The following TMED3 variants were observed in gnomAD, a reference collection of about 807,000 sequenced individuals.
TMED3 encodes transmembrane emp24 domain-containing protein 3.
TMED3 carries 9 observed loss-of-function variants against 15.0 expected under a neutral mutation model. The observed-to-expected ratio is 0.60, with a 90% CI of 0.36 to 1.04. The LOEUF is 1.04. TMED3 is among the 50% of genes least tolerant of loss of function. The pLI is 0.01. For missense variants in TMED3, 267 were observed against 278.9 expected, an observed-to-expected ratio of 0.96 and a Z score of 0.30; for synonymous variants, 117 against 121.4, an observed-to-expected ratio of 0.96 and a Z score of 0.24.
chr15:79,397,263 C>G (rs899878328), intron 2 of TMED3, among the ~76,000 whole-genome samples: 12 of 152,228 alleles, frequency 7.9e-5, no homozygotes, highest in African/African-American at 2.9e-4. Context: ...GCTATCTCTT[C>G]AGTAATTTTT....
chr15:79,363,640 C>T (rs1713111353), intron 2 of TMED3, among the ~76,000 whole-genome samples: 1 of 151,938 alleles, frequency 6.6e-6, no homozygotes, highest in African/African-American at 2.4e-5. Context: ...AATATTTTTA[C>T]TAAAACAATT....
At chr15:79,379,825 A>G (rs1893490257) in intron 2 of TMED3, among the ~76,000 whole-genome samples, 1 of 152,120 alleles carries the variant, frequency 6.6e-6, no homozygotes, top group Non-Finnish European at 1.5e-5. Flanking sequence ...TTTTCTTAAA[A>G]AGAGAGAAAA....
intron 2 of TMED3, among the ~76,000 whole-genome samples, chr15:79,319,316 G>T (rs1333294097): frequency 6.6e-6 from 1 of 152,242 alleles, no homozygotes; most frequent in Admixed American, 6.5e-5. Context: ...GGAAGCTGCT[G>T]CCCTGTAATG....
intron 2 of TMED3, among the ~76,000 whole-genome samples, chr15:79,332,998 C>T (rs1383820327): frequency 2.6e-5 from 4 of 152,250 alleles, no homozygotes; most frequent in Admixed American, 1.3e-4. Flanking sequence ...TGTTCCATCT[C>T]GCCTGGTTTG....
chr15:79,351,622 G>GACTCCCT (rs2058891314), intron 2 of TMED3, among the ~76,000 whole-genome samples: 1 of 152,056 alleles, frequency 6.6e-6, no homozygotes, highest in Non-Finnish European at 1.5e-5. Context: ...TTACACTATT[G>GACTCCCT]GTGGAAACGT....
At chr15:79,353,449 C>G (rs2058905926) in intron 2 of TMED3, among the ~76,000 whole-genome samples, 1 of 136,614 alleles carries the variant, frequency 7.3e-6, no homozygotes, top group Non-Finnish European at 1.5e-5. Flanking sequence ...CCAACAATAG[C>G]TAGTTAGAAA....
chr15:79,341,912 A>G (rs1280368132), intron 2 of TMED3, among the ~76,000 whole-genome samples: 1 of 152,228 alleles, frequency 6.6e-6, no homozygotes, highest in Non-Finnish European at 1.5e-5. Context: ...TGCAAGGCAC[A>G]GGACAGCCCT....
chr15:79,365,987 C>T (rs954491939), intron 2 of TMED3, among the ~76,000 whole-genome samples: 3 of 152,160 alleles, frequency 2.0e-5, no homozygotes. Context: ...AGGAGTCAGG[C>T]TGGCAGGACC....
intron 2 of TMED3, among the ~76,000 whole-genome samples, chr15:79,348,927 G>A (rs553811798): frequency 6.6e-6 from 1 of 152,158 alleles, no homozygotes; most frequent in South Asian, 2.1e-4. Flanking sequence ...GAACTCCCAG[G>A]TGGGTGATCC....
intron 2 of TMED3, among the ~76,000 whole-genome samples, chr15:79,396,863 T>C (rs1893769288): frequency 6.6e-6 from 1 of 152,230 alleles, no homozygotes; most frequent in African/African-American, 2.4e-5. Flanking sequence ...CATGTTGAAA[T>C]AATATTTTGG....
chr15:79,409,165 A>G (rs1426487363), intron 2 of TMED3, among the ~76,000 whole-genome samples: 1 of 151,798 alleles, frequency 6.6e-6, no homozygotes, highest in African/African-American at 2.4e-5. Flanking sequence ...GATGCATCCT[A>G]TAAGGACAGG....
At chr15:79,378,704 G>GA (rs1203486861) in intron 2 of TMED3, among the ~76,000 whole-genome samples, 2 of 152,198 alleles carry the variant, frequency 1.3e-5, no homozygotes, top group African/African-American at 4.8e-5. Flanking sequence ...CATAAAAGGG[G>GA]AAGGTTGTTG....
intron 2 of TMED3, among the ~76,000 whole-genome samples, chr15:79,404,377 T>C (rs1437241536): frequency 6.6e-6 from 1 of 152,188 alleles, no homozygotes; most frequent in African/African-American, 2.4e-5. Flanking sequence ...AGATTCACAC[T>C]GATGAGAGGG....
chr15:79,412,784 C>T (rs569192032), exon 3 of TMED3: 11 of 152,614 alleles, frequency 7.2e-5, no homozygotes, highest in African/African-American at 2.2e-4. Flanking sequence ...TGCCACTGCC[C>T]TACAAAATGC....
chr15:79,331,968 G>T (rs143948531), intron 2 of TMED3, among the ~76,000 whole-genome samples: 2 of 152,280 alleles, frequency 1.3e-5, no homozygotes, highest in Non-Finnish European at 2.9e-5. Context: ...TGGGAGGATT[G>T]CTTGAACCTG....
chr15:79,393,573 G>A (rs141893886), intron 2 of TMED3, among the ~76,000 whole-genome samples: 43 of 152,336 alleles, frequency 2.8e-4, no homozygotes, highest in African/African-American at 1.0e-3. Flanking sequence ...CTTTAAACCA[G>A]ATTTTTGAAG....
intron 2 of TMED3, among the ~76,000 whole-genome samples, chr15:79,344,656 G>A (rs1482728773): frequency 2.0e-5 from 3 of 152,038 alleles, no homozygotes. Flanking sequence ...TTCTTTTAAG[G>A]TCACATTCCC....
intron 2 of TMED3, among the ~76,000 whole-genome samples, chr15:79,393,306 T>C (rs1338646492): frequency 1.3e-5 from 2 of 152,164 alleles, no homozygotes; most frequent in East Asian, 3.9e-4. Flanking sequence ...AGAGCCGAGT[T>C]TTGTTAATAA....
Position 79,396,273 on chromosome 15 carries a change from A to G in TMED3, c.418-15127A>G, listed in dbSNP as rs1482014192. 2.0e-5 allele frequency among the ~76,000 whole-genome samples: 3 copies of G among 152,204 alleles called. No individual in the cohort carries two copies. In the East Asian group the frequency reaches 5.8e-4, roughly 29 times the overall value. On this transcript the variant is annotated intron_variant, in intron 2 of 2. Transcript: ENST00000424155. ...CAACATTTGGTGGTATAAAGCAATG[A>G]CCATTTAATTATGCTTGCAGATTCT...
Sources: gnomAD v4.1 joint callset for allele counts (sites outside exome capture counted in the v4.1 genomes callset) on GRCh38, gnomAD v4.1.1 for gene constraint, MANE v1.5 for transcripts, NCBI Gene and HGNC (gene_info 2026-07-23, HGNC 2026-07-21) for gene names.